The following IKZF4 variants were observed in gnomAD, a reference collection of about 807,000 sequenced individuals.
IKZF4 encodes IKAROS family zinc finger 4.
Under a neutral mutation model 47.7 loss-of-function variants are expected in IKZF4, and 11 were observed. The observed-to-expected ratio is 0.23, with a 90% CI of 0.15 to 0.38. The LOEUF (loss-of-function observed/expected upper bound fraction) is 0.38. IKZF4 is among the 10% of genes least tolerant of loss of function. IKZF4 has a pLI of 1.00. For missense variants in IKZF4, 557 were observed against 784.9 expected (o/e 0.71, Z 3.47); for synonymous variants, 298 against 299.4 (o/e 1.00, Z 0.05).
At chr12:56,017,843 C>G (rs967710630), upstream of IKZF4, among the ~76,000 whole-genome samples, 10 of 152,122 alleles carry the variant, frequency 6.6e-5, no homozygotes, top group African/African-American at 2.4e-4. Flanking sequence ...GCACATGCCA[C>G]GATGCCTAAT....
Position 56,027,787 on chromosome 12 carries a change from G to T in IKZF4, c.555G>T (p.Arg185Ser), listed in dbSNP as rs1476961089. Residue 185 changes from arginine to serine, a missense_variant, in exon 5 of 8, where the codon AGG (arginine) becomes AGT (serine). Physicochemically the swap from Arg to Ser is moderately radical, Grantham distance 110 (BLOSUM62 -1). Transcript: ENST00000547167. The part of the protein sequence containing the change: ...MVHKRSHTGE[R>S]PFHCNQCGAS... The stretch of plus-strand genomic sequence containing the variant: ...TTGTTCTTTCACTTGCAGGTGAAAG[G>T]CCCTTCCATTGCAACCAGTGTGGTG... The T allele has an allele frequency of 1.9e-6, 3 of 1,612,742 alleles. No individual in the cohort carries two copies. The highest frequency in any genetic ancestry group is 1.7e-5 in the Admixed American group (1 of 59,816).
At chr12:56,009,524 C>T (rs1304824617) in intron 1 of IKZF4, among the ~76,000 whole-genome samples, 1 of 152,136 alleles carries the variant, frequency 6.6e-6, no homozygotes, top group Admixed American at 6.5e-5. Flanking sequence ...CAGACAGACC[C>T]TTGGGTCATG....
At chr12:56,032,068 C>T (rs571163625) in intron 5 of IKZF4, among the ~76,000 whole-genome samples, 29 of 152,250 alleles carry the variant, frequency 1.9e-4, no homozygotes, top group African/African-American at 7.0e-4. Flanking sequence ...GCTCTCATTT[C>T]TGTCATGCCA....
Position 56,037,959 on chromosome 12 carries a change from A to G in IKZF4, c.*2628A>G, listed in dbSNP as rs1225040857. 1 of 151,900 alleles carries G rather than the reference A, an allele frequency of 6.6e-6. No homozygotes were observed. Among genetic ancestry groups the G allele is most frequent in the South Asian group, 2.1e-4 (1 of 4,824 alleles). The allele number at this position is 151,900 out of a possible 1,614,324, so 9.4% of individuals were successfully genotyped here. A position where few individuals can be genotyped will look rare whatever the true frequency, so the allele number is the denominator to read the frequency against. On this transcript the variant is annotated 3_prime_UTR_variant, in exon 8 of 8. Transcript: ENST00000547167. ...TACCACCAACAAAATATTTCTAAGT[A>G]GACACTTTTCCAGACCTTTGTTTTT...
intron 2 of IKZF4, among the ~76,000 whole-genome samples, chr12:56,012,990 A>C (rs1290351233): frequency 6.6e-6 from 1 of 152,128 alleles, no homozygotes; most frequent in Admixed American, 6.5e-5. Context: ...GTGAGATCTC[A>C]TCTCTAGTAA....
intron 1 of IKZF4, among the ~76,000 whole-genome samples, chr12:56,022,552 C>G (rs961642387): frequency 6.6e-6 from 1 of 152,172 alleles, no homozygotes; most frequent in Non-Finnish European, 1.5e-5. Context: ...AGTCCCCTCA[C>G]CCCTGAGCTA....
In IKZF4 at chr12:56,034,492, T is replaced by TA. The variant is rs878869590; in HGVS notation, c.998-72dup. On this transcript the variant is annotated intron_variant, in intron 7 of 7. Transcript: ENST00000547167. ...ATAATGTTACACCCAGCCCCACAGG[T>TA]AAAAAAACAAAGAAGTAATCCTGAG... The TA allele has an allele frequency of 2.3e-5, 33 of 1,430,768 alleles. No homozygotes were observed. The South Asian group carries it at 3.6e-4, about 16-fold the overall frequency. The allele number at this position is 1,430,768 out of a possible 1,614,324, so 88.6% of individuals were successfully genotyped here. A position where few individuals can be genotyped will look rare whatever the true frequency, so the allele number is the denominator to read the frequency against.
chr12:56,019,736 C>G (rs1042002279), upstream of IKZF4, among the ~76,000 whole-genome samples: 1 of 152,156 alleles, frequency 6.6e-6, no homozygotes, highest in Non-Finnish European at 1.5e-5. Context: ...ACTACAAATC[C>G]TGTGGAGCTC....
chr12:56,031,212 C>G (rs1188994663), intron 5 of IKZF4, among the ~76,000 whole-genome samples: 2 of 151,850 alleles, frequency 1.3e-5, no homozygotes, highest in Admixed American at 1.3e-4. Flanking sequence ...GATCGTGCCA[C>G]TGCACTCCAG....
At position 56,021,395 on chromosome 12, in the gene IKZF4, T is replaced by TGCC. The variant is rs1472625604; in HGVS notation, c.-98_-96dup. On this transcript the variant is annotated 5_prime_UTR_variant, in exon 1 of 8. Coordinates refer to ENST00000547167, the MANE Select transcript of IKZF4 (RefSeq NM_022465.4). ...CCTCTGCTCACCGTGCCGCTGCTGC[T>TGCC]GCCTGCGAAATGACGGCGGTTCCCC... 3 of 1,550,138 alleles carry TGCC rather than the reference T, an allele frequency of 1.9e-6. No homozygotes were observed. In the South Asian group the frequency reaches 3.6e-5, roughly 18 times the overall value.
chr12:56,031,125 G>A (rs570697906), intron 5 of IKZF4, among the ~76,000 whole-genome samples: 3 of 152,026 alleles, frequency 2.0e-5, no homozygotes, highest in East Asian at 1.9e-4. Flanking sequence ...GGTGGTGGGC[G>A]CCTGTAGTCC....
intron 5 of IKZF4, among the ~76,000 whole-genome samples, chr12:56,028,796 G>C (rs148118069): frequency 1.3e-3 from 205 of 152,118 alleles, no homozygotes; most frequent in African/African-American, 4.6e-3. Context: ...GGCTTGTCTT[G>C]AACTCTTGAT....
At position 56,021,274 on chromosome 12, in the gene IKZF4, CCTCT is replaced by C. The variant is rs748445477; in HGVS notation, c.-202_-199del. On this transcript the variant is annotated 5_prime_UTR_variant, in exon 1 of 8. Transcript: ENST00000547167. ...GCGTGCTCTCCCCTCTCCTTCTCTC[CCTCT>C]CTCTCTCTCTCTCTCTCACACACAC... is the stretch of plus-strand genomic sequence containing the variant. 8.0e-3 allele frequency: 10,410 copies of C among 1,308,160 alleles called. 20 individuals are homozygous for C. The highest frequency in any genetic ancestry group is 8.2e-3 in the South Asian group (564 of 68,914). 81.0% of individuals were successfully genotyped at this position (1,308,160 alleles called of 1,614,324 possible). A position where few individuals can be genotyped will look rare whatever the true frequency, so the allele number is the denominator to read the frequency against.
intron 7 of IKZF4, among the ~76,000 whole-genome samples, chr12:56,033,718 A>G (rs1026399556): frequency 2.0e-5 from 3 of 151,310 alleles, no homozygotes; most frequent in African/African-American, 7.4e-5. Flanking sequence ...CTCAAAAGAA[A>G]AAAGAAAAAA....
chr12:56,035,358 C>T lies in IKZF4; in HGVS notation c.*27C>T. On this transcript the variant is annotated 3_prime_UTR_variant, in exon 8 of 8. Coordinates refer to ENST00000547167, the MANE Select transcript of IKZF4 (RefSeq NM_022465.4). This position sits in a 1 kb window ranked among gnomAD's most constrained non-coding sequence, Gnocchi z 6.1. ...AACCTCTCCCTCTCTCCTCAGTCCACCACTCCACTGCCCTGACTACAGGCA... is the reference window on the plus strand; with the variant it reads ...AACCTCTCCCTCTCTCCTCAGTCCATCACTCCACTGCCCTGACTACAGGCA... The T allele has an allele frequency of 1.3e-6, 2 of 1,585,792 alleles. No individual in the cohort carries two copies. Among genetic ancestry groups the T allele is most frequent in the Non-Finnish European group, 1.7e-6 (2 of 1,165,148 alleles).
At chr12:56,022,220 G>A (rs991006137) in intron 1 of IKZF4, among the ~76,000 whole-genome samples, 1 of 152,206 alleles carries the variant, frequency 6.6e-6, no homozygotes, top group Non-Finnish European at 1.5e-5. Context: ...AAGGCAGCAG[G>A]AGTGGAGGCT....
chr12:56,020,894 CTGAGAGCCT>C (rs1892785755), upstream of IKZF4: 30 of 984,534 alleles, frequency 3.0e-5, no homozygotes, highest in South Asian at 1.2e-3. Flanking sequence ...TTCTGCCTCT[CTGAGAGCCT>C]TGAAGCTGTC....
intron 6 of IKZF4, 136 bp from the exon 7 acceptor site, chr12:56,033,054 A>G: frequency 9.7e-7 from 1 of 1,028,936 alleles, no homozygotes; most frequent in Non-Finnish European, 1.4e-6. Flanking sequence ...AGGTAGGGTA[A>G]ACAGAGCCCA....
intron 2 of IKZF4, among the ~76,000 whole-genome samples, chr12:56,012,909 A>C (rs140122708): frequency 6.6e-6 from 1 of 152,164 alleles, no homozygotes; most frequent in African/African-American, 2.4e-5. Flanking sequence ...GCTTGAGGCC[A>C]AGAGTTTGAG....
Sources: gnomAD v4.1 joint callset for allele counts (sites outside exome capture counted in the v4.1 genomes callset) on GRCh38, gnomAD v4.1.1 for gene constraint, Gnocchi (gnomAD v3.1) non-coding constraint, MANE v1.5 for transcripts, NCBI Gene and HGNC (gene_info 2026-07-23, HGNC 2026-07-21) for gene names.